ZNF124: variants seen among roughly 807,000 people sequenced by gnomAD.
ZNF124 encodes the protein zinc finger protein HZF-16.
In ZNF124, 25 loss-of-function variants were observed where a neutral mutation model predicts 26.6. The ratio of observed to expected loss-of-function variants is 0.94; its 90% CI spans 0.68 to 1.31. The LOEUF (loss-of-function observed/expected upper bound fraction) is 1.31. Ranked by LOEUF, ZNF124 falls within the 40% of genes most tolerant of loss-of-function variation. ZNF124 has a pLI of 0.00. For synonymous variants in ZNF124, 129 were observed against 133.3 expected (o/e 0.97, Z 0.22); for missense variants, 444 against 422.2 (o/e 1.05, Z -0.45).
downstream of ZNF124, among the ~76,000 whole-genome samples, chr1:247,152,586 A>T (rs1039610031): frequency 6.6e-6 from 1 of 152,200 alleles, no homozygotes; most frequent in African/African-American, 2.4e-5. Flanking sequence ...AATAGACTTT[A>T]TGGTAAATCA....
chr1:247,124,810 G>T (rs1490689150), intron 3 of ZNF124, among the ~76,000 whole-genome samples: 1 of 151,648 alleles, frequency 6.6e-6, no homozygotes, highest in Non-Finnish European at 1.5e-5. Flanking sequence ...CATTCCTTTT[G>T]TTTTAGAGAC....
chr1:247,141,028 G>C (rs1672612888), intron 3 of ZNF124, among the ~76,000 whole-genome samples: 2 of 152,118 alleles, frequency 1.3e-5, no homozygotes, highest in Non-Finnish European at 2.9e-5. Context: ...TAGTGGTTGT[G>C]GCCAAAGGTC....
Position 247,157,073 on chromosome 1 carries a change from A to T in ZNF124, c.549T>A (p.Cys183Ter). 1 of 1,614,132 alleles carries T rather than the reference A, an allele frequency of 6.2e-7. No homozygotes were observed. Among genetic ancestry groups the T allele is most frequent in the Non-Finnish European group, 8.5e-7 (1 of 1,180,004 alleles). Reference protein sequence around the residue: ...TGEKRYECKQCGKAFSRSSHL... With the variant: ...TGEKRYECKQ The stretch of plus-strand genomic sequence containing the variant: ...GACTGGAACGACTGAAGGCTTTCCC[A>T]CATTGCTTACATTCATAGCGTTTTT... The change falls in exon 4 of 4, where the codon TGT (cysteine) becomes TGA (stop). Residue 183 changes from cysteine to a stop codon, truncating the protein, a stop_gained. Coordinates refer to ENST00000543802, the MANE Select transcript of ZNF124 (RefSeq NM_001297568.2). LOFTEE classifies it high-confidence loss of function.
At chr1:247,152,942 G>C (rs551272067), downstream of ZNF124, among the ~76,000 whole-genome samples, 1 of 152,180 alleles carries the variant, frequency 6.6e-6, no homozygotes, top group South Asian at 2.1e-4. Context: ...GACCATCCTG[G>C]CTAACACGGT....
chr1:247,147,471 C>T (rs553152215), intron 3 of ZNF124, among the ~76,000 whole-genome samples: 13 of 152,192 alleles, frequency 8.5e-5, no homozygotes, highest in East Asian at 3.9e-4. Context: ...GTGATCCACA[C>T]GGCTCGGCCT....
chr1:247,132,500 A>T (rs1204727067), intron 3 of ZNF124, among the ~76,000 whole-genome samples: 2 of 152,176 alleles, frequency 1.3e-5, no homozygotes, highest in Non-Finnish European at 2.9e-5. Context: ...CAATGAACTA[A>T]AGGAACATGT....
chr1:247,161,135 C>T (rs1673455328), intron 1 of ZNF124, among the ~76,000 whole-genome samples: 2 of 152,162 alleles, frequency 1.3e-5, no homozygotes, highest in Non-Finnish European at 2.9e-5. Flanking sequence ...CCGTCAAAGT[C>T]TTCTGAATAA....
At chr1:247,164,361 C>T (rs1673659325) in intron 1 of ZNF124, among the ~76,000 whole-genome samples, 2 of 152,146 alleles carry the variant, frequency 1.3e-5, no homozygotes, top group South Asian at 4.1e-4. Context: ...CCCCAAAACC[C>T]CACAGTCTCT....
chr1:247,132,341 T>G (rs924119425), intron 3 of ZNF124, among the ~76,000 whole-genome samples: 2 of 151,942 alleles, frequency 1.3e-5, no homozygotes, highest in Non-Finnish European at 2.9e-5. Flanking sequence ...AAAGAATCAA[T>G]GAAAAAATGC....
At chr1:247,146,444 T>C (rs1461057874) in intron 3 of ZNF124, among the ~76,000 whole-genome samples, 1 of 152,158 alleles carries the variant, frequency 6.6e-6, no homozygotes, top group South Asian at 2.1e-4. Context: ...CCAGCCCTCC[T>C]TGAGTTTGGA....
chr1:247,159,112 A>C (rs1367625217), intron 2 of ZNF124, 46 bp from the exon 3 acceptor site: 1 of 1,563,446 alleles, frequency 6.4e-7, no homozygotes, highest in Non-Finnish European at 8.7e-7. Flanking sequence ...TTGAAATTAT[A>C]GAAAAATTAC....
chr1:247,156,965 A>G lies in ZNF124; in HGVS notation c.657T>C (p.Asn219=), dbSNP rs910461343. The change falls in exon 4 of 4, where the codon AAT becomes AAC. Residue 219 remains asparagine (N), a synonymous_variant. Transcript: ENST00000543802. ...KHCGKAFRYS[N]CLHYHERTHT... is the part of the protein sequence containing the mutation. ...GAGTTCTTTCATGGTAATGAAGGCA[A>G]TTGGAGTAACGGAAGGCTTTCCCAC... 12 of 1,613,392 alleles carry G rather than the reference A, an allele frequency of 7.4e-6. No individual in the cohort carries two copies. Among genetic ancestry groups the G allele is most frequent in the Non-Finnish European group, 1.0e-5 (12 of 1,179,522 alleles).
intron 1 of ZNF124, among the ~76,000 whole-genome samples, chr1:247,160,272 C>T (rs923916543): frequency 1.3e-5 from 2 of 152,228 alleles, no homozygotes; most frequent in African/African-American, 4.8e-5. Context: ...GCGTGAGCCA[C>T]CGCGCTCAGC....
rs988396454 is a variant in ZNF124 at position 247,156,643 on chromosome 1, A to T, written c.979T>A (p.Phe327Ile). 6.2e-7 allele frequency: 1 copy of T among 1,608,190 alleles called. No homozygotes were observed. Among genetic ancestry groups the T allele is most frequent in the Non-Finnish European group, 8.5e-7 (1 of 1,178,182 alleles). The change falls in exon 4 of 4, where the codon TTT (phenylalanine) becomes ATT (isoleucine). Residue 327 changes from phenylalanine to isoleucine, a missense_variant. Coordinates refer to ENST00000543802, the MANE Select transcript of ZNF124 (RefSeq NM_001297568.2). ...PYECQKCGKAFSRASTLWKHK... is the reference protein window; with the variant it reads ...PYECQKCGKAISRASTLWKHK... ...TTCCAAAGGGTACTAGCACGACTAA[A>T]GGCTTTGCCACATTTCTGACATTCA...
intron 3 of ZNF124, among the ~76,000 whole-genome samples, chr1:247,157,694 GGATT>G (rs1673231563): frequency 6.6e-6 from 1 of 152,080 alleles, no homozygotes; most frequent in Non-Finnish European, 1.5e-5. Flanking sequence ...GAACATAAAT[GGATT>G]GATTAGTCTA....
chr1:247,147,119 A>G (rs1027737884), intron 3 of ZNF124, among the ~76,000 whole-genome samples: 10 of 150,840 alleles, frequency 6.6e-5, no homozygotes, highest in African/African-American at 2.0e-4. Flanking sequence ...AATTTCAGCT[A>G]ATTACTTTTA....
chr1:247,126,310 T>TCTGAGGGGTGA (rs1672220453), intron 3 of ZNF124, among the ~76,000 whole-genome samples: 1 of 107,686 alleles, frequency 9.3e-6, no homozygotes, highest in African/African-American at 3.8e-5. Flanking sequence ...CTGTCACCTG[T>TCTGAGGGGTGA]CACTAAGAGT....
exon 4 of ZNF124, chr1:247,123,140 C>T (rs1672118897): frequency 6.6e-6 from 1 of 152,000 alleles, no homozygotes; most frequent in South Asian, 2.1e-4. Flanking sequence ...ACTATTTCAT[C>T]AATCATGGGC....
Position 247,156,569 on chromosome 1 carries a change from CATT to C in ZNF124, c.1050_1052del (p.Met351del). ...AAAACTGTAGTGATTAAAGCCTTTA[CATT>C]TTTTTACATTTATAGGGCTTTTCTC... On this transcript the variant is annotated inframe_deletion, in exon 4 of 4. Coordinates refer to ENST00000543802, the MANE Select transcript of ZNF124 (RefSeq NM_001297568.2). 3 of 1,528,330 alleles carry C rather than the reference CATT, an allele frequency of 2.0e-6. No homozygotes were observed. Among genetic ancestry groups the C allele is most frequent in the Non-Finnish European group, 1.7e-6 (2 of 1,144,194 alleles). The allele number at this position is 1,528,330 out of a possible 1,614,324, so 94.7% of individuals were successfully genotyped here.
Sources: gnomAD v4.1 joint callset for allele counts (sites outside exome capture counted in the v4.1 genomes callset) on GRCh38, gnomAD v4.1.1 for gene constraint, MANE v1.5 for transcripts, NCBI Gene and HGNC (gene_info 2026-07-23, HGNC 2026-07-21) for gene names.